The following MDN1 variants were observed in gnomAD, a reference collection of about 807,000 sequenced individuals.
The protein encoded by MDN1 is midasin.
Under a neutral mutation model 669.2 loss-of-function variants are expected in MDN1, and 266 were observed. The ratio of observed to expected loss-of-function variants is 0.40; its 90% CI spans 0.36 to 0.44. The LOEUF (loss-of-function observed/expected upper bound fraction) is 0.44. Among genes scored for constraint, MDN1 ranks in the 20% least tolerant of loss-of-function variants. The probability of loss-of-function intolerance (pLI) is 1.00; values close to 1 mark genes in which losing one functional copy is unlikely to be tolerated. For synonymous variants in MDN1, 2,385 were observed against 2,457.1 expected, an observed-to-expected ratio of 0.97 and a Z score of 0.87; for missense variants, 5,940 against 6,754.0, an observed-to-expected ratio of 0.88 and a Z score of 4.22.
At position 89,719,023 on chromosome 6, in the gene MDN1, T is replaced by C. The variant is rs115774502; in HGVS notation, c.6065A>G (p.Tyr2022Cys). Residue 2022 changes from tyrosine to cysteine, a missense_variant, in exon 42 of 102, where the codon TAC (tyrosine) becomes TGC (cysteine). By Grantham distance (194) the Tyr-to-Cys change is radical (BLOSUM62 -2). Coordinates refer to ENST00000369393, the MANE Select transcript of MDN1 (RefSeq NM_014611.3). Reference protein sequence around the residue: ...RITPYDVQLGYSVLSRGSCVP... With the variant: ...RITPYDVQLGCSVLSRGSCVP... ...ACAGCTCCCACGGGAAAGGACTGAG[T>C]AGCCCAACTGAAAAGACATGCCAGT... is the stretch of plus-strand genomic sequence containing the variant. 132 of 1,614,072 alleles carry C rather than the reference T, an allele frequency of 8.2e-5. No homozygotes were observed. In the African/African-American group the frequency reaches 1.4e-3, roughly 17 times the overall value.
intron 85 of MDN1, 107 bp from the exon 86 acceptor site, chr6:89,663,074 T>C: frequency 7.9e-7 from 1 of 1,258,850 alleles, no homozygotes; most frequent in Non-Finnish European, 1.1e-6. Flanking sequence ...ACCTGAGATT[T>C]ATTGCCTTTT....
intron 83 of MDN1, among the ~76,000 whole-genome samples, chr6:89,668,766 C>T (rs756840382): frequency 6.6e-6 from 1 of 152,308 alleles, no homozygotes; most frequent in African/African-American, 2.4e-5. Flanking sequence ...CTTGGTTACA[C>T]AGAAACAGCT....
At chr6:89,775,857 T>C (rs148483882) in intron 12 of MDN1, among the ~76,000 whole-genome samples, 110 of 152,074 alleles carry the variant, frequency 7.2e-4, no homozygotes, top group Admixed American at 6.2e-3. Context: ...AGCTAATTTA[T>C]TGTATTTTTT....
In MDN1 at chr6:89,700,648, A is replaced by G. The variant is rs1168160930; in HGVS notation, c.8636T>C (p.Leu2879Pro). The G allele has an allele frequency of 2.5e-6, 4 of 1,613,812 alleles. No homozygotes were observed. Among genetic ancestry groups the G allele is most frequent in the South Asian group, 1.1e-5 (1 of 91,056 alleles). Residue 2879 changes from leucine (L) to proline (P), a missense_variant and splice_region_variant, in exon 56 of 102, where the codon CTA becomes CCA. Physicochemically the swap from Leu to Pro is moderately conservative, Grantham distance 98. This residue lies in a region of MDN1 where 2,292 missense variants were observed against 2,638.3 expected (regional missense o/e 0.87). Coordinates refer to ENST00000369393, the MANE Select transcript of MDN1 (RefSeq NM_014611.3). ...LRANILEDVS[L>P]DELKNFVHAQ... is the part of the protein sequence containing the mutation. ...AGCCAAGTGCTAGAATATTTTACCT[A>G]GGCTGACATCTTCCAAAATATTTGC... is the stretch of plus-strand genomic sequence containing the variant.
At position 89,794,548 on chromosome 6, in the gene MDN1, A is replaced by C. The variant is rs756324697; in HGVS notation, c.554+29T>G. On this transcript the variant is annotated intron_variant, in intron 3 of 101. Transcript: ENST00000369393. ...ATGCCCTGTACCATCCCCACACTAG[A>C]AGTGCAAAAAAGTCTAACAGCTACG... 6.9e-6 allele frequency: 11 copies of C among 1,597,096 alleles called. 1 individual carries two copies. The highest frequency in any genetic ancestry group is 5.4e-5 in the African/African-American group (4 of 74,514).
intron 52 of MDN1, among the ~76,000 whole-genome samples, chr6:89,706,960 T>C (rs1363569132): frequency 4.6e-5 from 7 of 151,934 alleles, no homozygotes; most frequent in African/African-American, 7.2e-5. Context: ...AAAAAAAACA[T>C]GGGAGAAATG....
chr6:89,743,737 T>A, intron 29 of MDN1, 23 bp from the exon 30 acceptor site: 1 of 1,608,466 alleles, frequency 6.2e-7, no homozygotes. Flanking sequence ...TGCAACTGAT[T>A]AACAAGGCAT....
Position 89,692,951 on chromosome 6 carries a change from C to A in MDN1, c.10079G>T (p.Arg3360Leu). The change falls in exon 63 of 102, where the codon CGG (arginine) becomes CTG (leucine). Residue 3360 changes from arginine to leucine, a missense_variant. Arg to Leu is a moderately radical substitution (Grantham distance 102). Around this residue, in one of 5 missense-constraint regions of MDN1, gnomAD observed 150 missense variants for 234.2 expected, o/e 0.64. Coordinates refer to ENST00000369393, the MANE Select transcript of MDN1 (RefSeq NM_014611.3). Reference protein sequence around the residue: ...LLQALHIDGPRSAQVAQSLLK... With the variant: ...LLQALHIDGPLSAQVAQSLLK... ...AAGGCTCTGGGCTACTTGGGCAGAC[C>A]GTGGCCCATCTATGTGGAGGGCCTG... 1 of 1,614,066 alleles carries A rather than the reference C, an allele frequency of 6.2e-7. No individual in the cohort carries two copies. Among genetic ancestry groups the A allele is most frequent in the Non-Finnish European group, 8.5e-7 (1 of 1,179,972 alleles).
chr6:89,715,739 C>G lies in MDN1; in HGVS notation c.6774G>C (p.Leu2258Phe). The G allele has an allele frequency of 6.2e-7, 1 of 1,613,456 alleles. No individual in the cohort carries two copies. The highest frequency in any genetic ancestry group is 8.5e-7 in the Non-Finnish European group (1 of 1,179,400). Residue 2258 changes from leucine (L) to phenylalanine (F), a missense_variant, in exon 45 of 102, where the codon TTG (leucine) becomes TTC (phenylalanine). Physicochemically the swap from Leu to Phe is conservative, Grantham distance 22. Coordinates refer to ENST00000369393, the MANE Select transcript of MDN1 (RefSeq NM_014611.3). Reference protein sequence around the residue: ...NPSVLDRLNALLEPGGVLTIS... With the variant: ...NPSVLDRLNAFLEPGGVLTIS... The stretch of plus-strand genomic sequence containing the variant: ...TAGTGAGGACACCTCCGGGTTCAAG[C>G]AAAGCATTCAAACGATCCAACACTG...
At chr6:89,645,532 G>A (rs1025846312) in intron 100 of MDN1, among the ~76,000 whole-genome samples, 3 of 152,144 alleles carry the variant, frequency 2.0e-5, no homozygotes, top group South Asian at 2.1e-4. Flanking sequence ...TACTGAGAAG[G>A]GCATTAGAAG....
intron 63 of MDN1, 98 bp downstream of exon 63, chr6:89,692,345 G>C (rs1812425920): frequency 9.5e-7 from 1 of 1,050,404 alleles, no homozygotes; most frequent in African/African-American, 1.6e-5. Flanking sequence ...ACGACACTGT[G>C]TATCTACTAG....
rs188957758 is a variant in MDN1 at position 89,663,168 on chromosome 6, A to G, written c.14237-201T>C. On this transcript the variant is annotated intron_variant, in intron 85 of 101. Coordinates refer to ENST00000369393, the MANE Select transcript of MDN1 (RefSeq NM_014611.3). ...GTTTTGCAAAGTAGAGGTACAAGGAAGTCTATAATGTGTGAACAGATGGTA... is the reference window on the plus strand; with the variant it reads ...GTTTTGCAAAGTAGAGGTACAAGGAGGTCTATAATGTGTGAACAGATGGTA... 7.7e-4 allele frequency among the ~76,000 whole-genome samples: 117 copies of G among 152,314 alleles called. 3 individuals carry two copies. Among genetic ancestry groups the G allele is most frequent in the Non-Finnish European group, 5.9e-5 (4 of 68,036 alleles).
At chr6:89,685,093 G>T in intron 70 of MDN1, 108 bp from the exon 71 acceptor site, 1 of 650,072 alleles carries the variant, frequency 1.5e-6, no homozygotes, top group Non-Finnish European at 2.6e-6. Flanking sequence ...TACTCTCTAT[G>T]CCATGAGATT....
At chr6:89,749,520 G>A in intron 25 of MDN1, 23 bp downstream of exon 25, 1 of 1,611,274 alleles carries the variant, frequency 6.2e-7, no homozygotes, top group Non-Finnish European at 8.5e-7. Context: ...ACAAATTGAA[G>A]GAAGGAGACA....
In MDN1 at chr6:89,793,815, T is replaced by C; in HGVS notation, c.802A>G (p.Thr268Ala). Residue 268 changes from threonine to alanine, a missense_variant, in exon 5 of 102, where the codon ACA becomes GCA. Transcript: ENST00000369393. ...GGCAGCACCACACCACAAACAGCTG[T>C]CACCCTAGGGGAGAGGTCAGACGAA... Reference protein sequence around the residue: ...LVSSDLSPRVTAVCGVVLPGQ... With the variant: ...LVSSDLSPRVAAVCGVVLPGQ... The C allele has an allele frequency of 6.2e-7, 1 of 1,614,056 alleles. No individual in the cohort carries two copies. Among genetic ancestry groups the C allele is most frequent in the Non-Finnish European group, 8.5e-7 (1 of 1,179,998 alleles).
chr6:89,805,260 G>C (rs1767942707), intron 1 of MDN1, among the ~76,000 whole-genome samples: 1 of 152,076 alleles, frequency 6.6e-6, no homozygotes, highest in Non-Finnish European at 1.5e-5. Flanking sequence ...TTTCACCCCA[G>C]GCCAGGTGTG....
intron 19 of MDN1, 41 bp from the exon 20 acceptor site, chr6:89,756,431 T>C: frequency 1.1e-6 from 1 of 947,392 alleles, no homozygotes; most frequent in Non-Finnish European, 1.6e-6. Context: ...AGGAAGTTAA[T>C]ATAACTATGT....
chr6:89,672,321 A>C lies in MDN1; in HGVS notation c.13673T>G (p.Leu4558Ter). The change falls in exon 82 of 102, where the codon TTA becomes TGA. Residue 4558 changes from leucine to a stop codon, truncating the protein, a stop_gained. Transcript: ENST00000369393. LOFTEE classifies it high-confidence loss of function. Reference protein sequence around the residue: ...RLQSGHLTKLLEDDFWADVST... With the variant: ...RLQSGHLTKL Reference sequence around the variant, plus strand: ...CACATCGGCCCAGAAGTCATCCTCTAAGAGTTTTGTTAGATGTCCTGATTG... The same window carrying C: ...CACATCGGCCCAGAAGTCATCCTCTCAGAGTTTTGTTAGATGTCCTGATTG... 1 of 1,612,488 alleles carries C rather than the reference A, an allele frequency of 6.2e-7. No homozygotes were observed.
intron 15 of MDN1, among the ~76,000 whole-genome samples, chr6:89,769,822 T>C (rs534558852): frequency 3.9e-5 from 6 of 152,134 alleles, no homozygotes; most frequent in Non-Finnish European, 8.8e-5. Flanking sequence ...AACATAACAC[T>C]ACAAATTCAC....
Sources: gnomAD v4.1 joint callset for allele counts (sites outside exome capture counted in the v4.1 genomes callset) on GRCh38, gnomAD v4.1.1 for gene constraint, gnomAD v4.1.1 regional missense constraint, MANE v1.5 for transcripts, NCBI Gene and HGNC (gene_info 2026-07-23, HGNC 2026-07-21) for gene names.